The following ARHGAP10 variants were observed in gnomAD, a reference collection of about 807,000 sequenced individuals.
The protein encoded by ARHGAP10 is rho GTPase-activating protein 10.
A neutral mutation model predicts 108.6 loss-of-function variants in ARHGAP10; 87 were observed. The observed-to-expected ratio is 0.80, with a 90% CI of 0.67 to 0.96. The LOEUF is 0.96. Among genes scored for constraint, ARHGAP10 ranks in the 40% least tolerant of loss-of-function variants. ARHGAP10 has a pLI of 0.00. For missense variants in ARHGAP10, 939 were observed against 954.5 expected (o/e 0.98, Z 0.21); for synonymous variants, 347 against 341.1 (o/e 1.02, Z -0.19).
At chr4:147,736,150 G>GTGTGTGTGTC (rs1553944275) in intron 1 of ARHGAP10, among the ~76,000 whole-genome samples, 4 of 151,910 alleles carry the variant, frequency 2.6e-5, no homozygotes, top group African/African-American at 9.7e-5. Context: ...GTGTGTGTGT[G>GTGTGTGTGTC]TGTGAAGCTA....
At chr4:147,803,898 G>A (rs1044954632) in intron 1 of ARHGAP10, among the ~76,000 whole-genome samples, 1 of 152,114 alleles carries the variant, frequency 6.6e-6, no homozygotes, top group Non-Finnish European at 1.5e-5. Context: ...TAGTAAACAT[G>A]AGGTGTGCAG....
intron 13 of ARHGAP10, among the ~76,000 whole-genome samples, chr4:147,925,793 C>G (rs1334973054): frequency 6.6e-6 from 1 of 152,312 alleles, no homozygotes; most frequent in Admixed American, 6.5e-5. Flanking sequence ...CTGTCAGTAG[C>G]TAGAGCAGTG....
At chr4:147,961,925 G>A (rs1739014879) in intron 16 of ARHGAP10, among the ~76,000 whole-genome samples, 1 of 152,104 alleles carries the variant, frequency 6.6e-6, no homozygotes. Context: ...CTTAGCCCTT[G>A]ACTTCACATC....
chr4:147,935,388 T>C (rs1167851939), intron 13 of ARHGAP10, among the ~76,000 whole-genome samples: 2 of 152,326 alleles, frequency 1.3e-5, no homozygotes, highest in East Asian at 3.9e-4. Context: ...GTGTGTTTCT[T>C]TTTAGGGATT....
chr4:147,765,112 T>G (rs1729743703), intron 1 of ARHGAP10, among the ~76,000 whole-genome samples: 1 of 152,192 alleles, frequency 6.6e-6, no homozygotes, highest in African/African-American at 2.4e-5. Context: ...GGACTAATGA[T>G]GGACCATGTT....
At chr4:147,916,081 A>G (rs1407918292) in intron 13 of ARHGAP10, among the ~76,000 whole-genome samples, 2 of 152,194 alleles carry the variant, frequency 1.3e-5, no homozygotes, top group African/African-American at 2.4e-5. Context: ...AGAGATGGAA[A>G]TAGTTGGTAA....
At chr4:147,738,630 A>C (rs1472832976) in intron 1 of ARHGAP10, among the ~76,000 whole-genome samples, 1 of 152,232 alleles carries the variant, frequency 6.6e-6, no homozygotes, top group African/African-American at 2.4e-5. Context: ...TAAAGCATTT[A>C]GTATAAGTGC....
At chr4:147,811,568 A>G (rs532665415) in intron 1 of ARHGAP10, among the ~76,000 whole-genome samples, 89 of 146,518 alleles carry the variant, frequency 6.1e-4, no homozygotes, top group African/African-American at 2.0e-3. Context: ...AAAAATACTG[A>G]CAAATATGCA....
At chr4:147,893,910 GATACTGTT>G (rs1409188435) in intron 10 of ARHGAP10, among the ~76,000 whole-genome samples, 1 of 152,142 alleles carries the variant, frequency 6.6e-6, no homozygotes, top group East Asian at 1.9e-4. Flanking sequence ...CCCTAAAGAT[GATACTGTT>G]GATGGTGATG....
Position 147,967,936 on chromosome 4 carries a change from C to T in ARHGAP10, c.1716+1097C>T, listed in dbSNP as rs531330199. ...AAGAACTGCTAATCTAGGGAGGAAACGTCTCTTCTTTATTAAGAACTTAGG... is the reference window on the plus strand; with the variant it reads ...AAGAACTGCTAATCTAGGGAGGAAATGTCTCTTCTTTATTAAGAACTTAGG... On this transcript the variant is annotated intron_variant, in intron 18 of 22. Coordinates refer to ENST00000336498, the MANE Select transcript of ARHGAP10 (RefSeq NM_024605.4). 1.4e-4 allele frequency among the ~76,000 whole-genome samples: 21 copies of T among 152,254 alleles called. No individual in the cohort carries two copies. In the South Asian group the frequency reaches 4.1e-3, roughly 30 times the overall value.
At position 147,953,559 on chromosome 4, in the gene ARHGAP10, CTTTAT is replaced by C. The variant is rs1738685580; in HGVS notation, c.1392-1748_1392-1744del. Among the ~76,000 whole-genome samples the C allele has an allele frequency of 4.6e-5, 7 of 151,954 alleles. No individual in the cohort carries two copies. In the South Asian group the frequency reaches 1.2e-3, roughly 27 times the overall value. Reference sequence around the variant, plus strand: ...GGGCATAAAATTGCTCATAGTATTTCTTTATTTTATTTTTAATATCTTTAGAATCT... The same window carrying C: ...GGGCATAAAATTGCTCATAGTATTTCTTTATTTTTAATATCTTTAGAATCT... On this transcript the variant is annotated intron_variant, in intron 15 of 22. Coordinates refer to ENST00000336498, the MANE Select transcript of ARHGAP10 (RefSeq NM_024605.4).
Position 148,072,024 on chromosome 4 carries a change from AG to A in ARHGAP10, c.2307del (p.Thr770LeufsTer2), listed in dbSNP as rs762091734. On this transcript the variant is annotated frameshift_variant, in exon 23 of 23. Coordinates refer to ENST00000336498, the MANE Select transcript of ARHGAP10 (RefSeq NM_024605.4). LOFTEE classifies it high-confidence loss of function. ...QTSREPGWLE[G>X]TLNGKRGLIP... ...CCTCCAGGGAACCTGGCTGGCTAGA[AG>A]GGACTCTGAACGGCAAGAGGGGGCT... 1.9e-6 allele frequency: 3 copies of A among 1,613,622 alleles called. No homozygotes were observed. Among genetic ancestry groups the A allele is most frequent in the African/African-American group, 2.7e-5 (2 of 74,912 alleles).
chr4:148,000,847 T>C (rs927135554), intron 18 of ARHGAP10, among the ~76,000 whole-genome samples: 1 of 152,188 alleles, frequency 6.6e-6, no homozygotes. Flanking sequence ...GATGAGTAGA[T>C]TGCAAAAATT....
chr4:148,007,255 G>A (rs528183264), intron 18 of ARHGAP10, among the ~76,000 whole-genome samples: 23 of 152,274 alleles, frequency 1.5e-4, no homozygotes, highest in African/African-American at 5.5e-4. Flanking sequence ...CAGAATAAAA[G>A]GAACATTAAG....
At chr4:148,037,745 G>A (rs549482940) in intron 19 of ARHGAP10, among the ~76,000 whole-genome samples, 1 of 151,738 alleles carries the variant, frequency 6.6e-6, no homozygotes, top group Admixed American at 6.6e-5. Flanking sequence ...TGAGGTACGA[G>A]AATCGCTTGA....
At chr4:148,015,486 C>T (rs947306228) in intron 18 of ARHGAP10, among the ~76,000 whole-genome samples, 7 of 152,140 alleles carry the variant, frequency 4.6e-5, no homozygotes, top group African/African-American at 1.7e-4. Context: ...CCAGAACAAA[C>T]GTGAAACTGT....
At position 147,772,159 on chromosome 4, in the gene ARHGAP10, C is replaced by T. The variant is rs577218425; in HGVS notation, c.154+39704C>T. 7.2e-5 allele frequency among the ~76,000 whole-genome samples: 11 copies of T among 152,322 alleles called. No homozygotes were observed. The East Asian group carries it at 9.7e-4, about 13-fold the overall frequency. On this transcript the variant is annotated intron_variant, in intron 1 of 22. Coordinates refer to ENST00000336498, the MANE Select transcript of ARHGAP10 (RefSeq NM_024605.4). Reference sequence around the variant, plus strand: ...AAGTTCTCTCTACTTCTGCTCTCTGCGCACTGGGACGTGCCATCTCCACCT... The same window carrying T: ...AAGTTCTCTCTACTTCTGCTCTCTGTGCACTGGGACGTGCCATCTCCACCT...
intron 11 of ARHGAP10, among the ~76,000 whole-genome samples, chr4:147,908,236 G>A (rs1467298939): frequency 1.3e-5 from 2 of 152,144 alleles, no homozygotes; most frequent in Non-Finnish European, 2.9e-5. Context: ...TCCAAAACAG[G>A]TTATACTAGT....
intron 1 of ARHGAP10, among the ~76,000 whole-genome samples, chr4:147,747,206 C>T (rs1216543231): frequency 7.3e-5 from 11 of 151,688 alleles, no homozygotes; most frequent in African/African-American, 1.5e-4. Flanking sequence ...TTTATCTCAC[C>T]GGAGTCATGC....
Sources: allele counts gnomAD v4.1 joint callset (sites outside exome capture counted in the v4.1 genomes callset), GRCh38; gene constraint gnomAD v4.1.1; transcripts MANE v1.5; gene names NCBI Gene and HGNC (gene_info 2026-07-23, HGNC 2026-07-21).